The following SRGN variants were observed in gnomAD, a reference collection of about 807,000 sequenced individuals.
SRGN encodes the protein hematopoetic proteoglycan core peptide.
Under a neutral mutation model 9.5 loss-of-function variants are expected in SRGN, and 2 were observed. The ratio of observed to expected loss-of-function variants is 0.21; its 90% CI spans 0.09 to 0.66. SRGN has a LOEUF of 0.66. Among genes scored for constraint, SRGN ranks in the 30% least tolerant of loss-of-function variants. The pLI is 0.83. For missense variants in SRGN, 170 were observed against 192.4 expected (o/e 0.88, Z 0.69); for synonymous variants, 59 against 72.3 (o/e 0.82, Z 0.93).
At chr10:69,101,773 T>C (rs541695028) in intron 2 of SRGN, among the ~76,000 whole-genome samples, 4 of 152,244 alleles carry the variant, frequency 2.6e-5, no homozygotes, top group Admixed American at 2.6e-4. Context: ...CAAAAACAGC[T>C]AACTGGGCCA....
intron 1 of SRGN, among the ~76,000 whole-genome samples, chr10:69,095,373 T>C (rs570991986): frequency 6.6e-6 from 1 of 152,174 alleles, no homozygotes; most frequent in African/African-American, 2.4e-5. Context: ...TGATGCCTTG[T>C]AATTTATCTG....
intron 2 of SRGN, 55 bp downstream of exon 2, chr10:69,097,286 G>A (rs1245639161): frequency 2.7e-5 from 41 of 1,496,936 alleles, no homozygotes; most frequent in Non-Finnish European, 1.9e-5. Flanking sequence ...TTGAGACGGA[G>A]TTTCACTTTT....
intron 2 of SRGN, among the ~76,000 whole-genome samples, chr10:69,097,714 A>C (rs377137953): frequency 4.7e-4 from 71 of 152,224 alleles, no homozygotes; most frequent in African/African-American, 1.5e-3. Flanking sequence ...GGCGTGAGCC[A>C]CTGCGCCTGG....
chr10:69,089,156 A>G (rs1277165759), intron 1 of SRGN, among the ~76,000 whole-genome samples: 2 of 152,222 alleles, frequency 1.3e-5, no homozygotes, highest in Admixed American at 6.5e-5. Context: ...GGTTGTCATG[A>G]TCTTACTTCC....
chr10:69,089,513 A>T (rs1357616959), intron 1 of SRGN, among the ~76,000 whole-genome samples: 1 of 152,194 alleles, frequency 6.6e-6, no homozygotes, highest in Non-Finnish European at 1.5e-5. Flanking sequence ...TGTTGTCAAA[A>T]TTTCCCAGAA....
chr10:69,095,552 C>T (rs1840157856), intron 1 of SRGN, among the ~76,000 whole-genome samples: 1 of 152,080 alleles, frequency 6.6e-6, no homozygotes, highest in South Asian at 2.1e-4. Flanking sequence ...AAGTATTTCT[C>T]ACCACCAGGC....
At chr10:69,099,740 G>A (rs1028215303) in intron 2 of SRGN, among the ~76,000 whole-genome samples, 4 of 152,214 alleles carry the variant, frequency 2.6e-5, no homozygotes, top group African/African-American at 9.6e-5. Flanking sequence ...TCAGCATTAA[G>A]TTTGAATGTA....
intron 1 of SRGN, among the ~76,000 whole-genome samples, chr10:69,092,740 G>T (rs548278402): frequency 6.7e-6 from 1 of 148,556 alleles, no homozygotes; most frequent in Non-Finnish European, 1.5e-5. Context: ...GTTGCAGTGA[G>T]CTGAGATTGC....
chr10:69,089,678 G>C (rs1274119634), intron 1 of SRGN, among the ~76,000 whole-genome samples: 2 of 151,950 alleles, frequency 1.3e-5, no homozygotes, highest in African/African-American at 2.4e-5. Flanking sequence ...GGCAGATCAT[G>C]AGGTCAGGAG....
At chr10:69,088,873 A>G (rs1839993972) in intron 1 of SRGN, among the ~76,000 whole-genome samples, 1 of 152,330 alleles carries the variant, frequency 6.6e-6, no homozygotes, top group African/African-American at 2.4e-5. Context: ...ATATCTTCCT[A>G]GGTTTATCTA....
At chr10:69,099,495 G>C (rs532368070) in intron 2 of SRGN, among the ~76,000 whole-genome samples, 2 of 151,746 alleles carry the variant, frequency 1.3e-5, no homozygotes, top group East Asian at 3.9e-4. Flanking sequence ...GTAGAGACAG[G>C]GGTCTCTGTA....
Position 69,103,993 on chromosome 10 carries a change from A to C in SRGN, c.350A>C (p.Glu117Ala), listed in dbSNP as rs1840344458. 6.2e-7 allele frequency: 1 copy of C among 1,614,062 alleles called. No individual in the cohort carries two copies. The highest frequency in any genetic ancestry group is 8.5e-7 in the Non-Finnish European group (1 of 1,180,052). Residue 117 changes from glutamate to alanine, a missense_variant, in exon 3 of 3, where the codon GAA becomes GCA. Transcript: ENST00000242465. ...GGGAGTGGCTTCCTAACGGAAATGGAACAGGATTACCAACTAGTAGACGAA... is the reference window on the plus strand; with the variant it reads ...GGGAGTGGCTTCCTAACGGAAATGGCACAGGATTACCAACTAGTAGACGAA... Reference protein sequence around the residue: ...GSGSGFLTEMEQDYQLVDESD... With the variant: ...GSGSGFLTEMAQDYQLVDESD...
chr10:69,098,686 C>G (rs1357270422), intron 2 of SRGN: 1 of 151,026 alleles, frequency 6.6e-6, no homozygotes, highest in Admixed American at 6.6e-5. Context: ...TGGCCAGGTG[C>G]AGAGGCTCAT....
chr10:69,088,047 T>C, upstream of SRGN: 1 of 840,240 alleles, frequency 1.2e-6, no homozygotes, highest in Non-Finnish European at 2.0e-6. Flanking sequence ...ACGTGTGTTC[T>C]GGGCAGGGTT....
intron 2 of SRGN, 152 bp from the exon 3 acceptor site, chr10:69,103,719 A>T: frequency 1.1e-6 from 1 of 886,382 alleles, no homozygotes. Flanking sequence ...TGTTGATTTT[A>T]AAACATTGAA....
rs1196223320 is a variant in SRGN at position 69,096,465 on chromosome 10, GT to G, written c.80-617del. Among the ~76,000 whole-genome samples the G allele has an allele frequency of 2.6e-5, 4 of 152,206 alleles. No homozygotes were observed. In the East Asian group the frequency reaches 7.7e-4, roughly 29 times the overall value. ...CATATTACAGTGAGGGTTCAGAGAA[GT>G]TAAGGTTCCATAACTAGTCAGCAGA... is the stretch of plus-strand genomic sequence containing the variant. On this transcript the variant is annotated intron_variant, in intron 1 of 2. Transcript: ENST00000242465.
intron 2 of SRGN, among the ~76,000 whole-genome samples, chr10:69,103,492 G>GAGATGGCACCAC (rs1286174683): frequency 6.6e-6 from 1 of 152,064 alleles, no homozygotes; most frequent in Non-Finnish European, 1.5e-5. Flanking sequence ...GCAGTGAGCC[G>GAGATGGCACCAC]AGATGGCACC....
chr10:69,097,923 T>C (rs1211734025), intron 2 of SRGN, among the ~76,000 whole-genome samples: 1 of 152,130 alleles, frequency 6.6e-6, no homozygotes. Context: ...TGTGGGAGTG[T>C]TTTTCTTCAA....
chr10:69,097,736 G>C (rs964175812), intron 2 of SRGN, among the ~76,000 whole-genome samples: 1 of 152,000 alleles, frequency 6.6e-6, no homozygotes, highest in Non-Finnish European at 1.5e-5. Flanking sequence ...CTAATTTTTT[G>C]TATTATTAGT....
Sources: gnomAD v4.1 joint callset for allele counts (sites outside exome capture counted in the v4.1 genomes callset) on GRCh38, gnomAD v4.1.1 for gene constraint, MANE v1.5 for transcripts, NCBI Gene and HGNC (gene_info 2026-07-23, HGNC 2026-07-21) for gene names.